Variants in LY75 observed in about 807,000 individuals in gnomAD.
LY75 encodes the protein C-type lectin domain family 13 member B.
Under a neutral mutation model 231.7 loss-of-function variants are expected in LY75, and 185 were observed. That is an observed-to-expected ratio of 0.80 (90% confidence interval 0.71 to 0.90). LY75 has a LOEUF of 0.90. LY75 is among the 40% of genes least tolerant of loss of function. LY75 has a pLI of 0.00. For synonymous variants in LY75, 668 were observed against 689.0 expected, an observed-to-expected ratio of 0.97 and a Z score of 0.48; for missense variants, 1,947 against 2,050.2, an observed-to-expected ratio of 0.95 and a Z score of 0.97.
Position 159,808,138 on chromosome 2 carries a change from G to C in LY75, c.4822+311C>G, listed in dbSNP as rs1392045969. ...AGAAGGCAGGCATGGGTTCCTTGTGGGGACACAGACATTCCTGTGGAGAAG... is the reference window on the plus strand; with the variant it reads ...AGAAGGCAGGCATGGGTTCCTTGTGCGGACACAGACATTCCTGTGGAGAAG... On this transcript the variant is annotated intron_variant, in intron 33 of 34. Transcript: ENST00000263636. The C allele has an allele frequency of 5.1e-6, 5 of 984,938 alleles. No homozygotes were observed. The African/African-American group carries it at 8.7e-5, about 17-fold the overall frequency. The allele number at this position is 984,938 out of a possible 1,614,324, so 61.0% of individuals were successfully genotyped here.
chr2:159,901,067 G>A (rs1686064158), intron 1 of LY75, among the ~76,000 whole-genome samples: 1 of 152,120 alleles, frequency 6.6e-6, no homozygotes, highest in Non-Finnish European at 1.5e-5. Flanking sequence ...TCGAACTCCT[G>A]ACCTCAGGTG....
At position 159,894,090 on chromosome 2, in the gene LY75, T is replaced by C; in HGVS notation, c.467-6A>G. ...CCCATCTCTGGTATAGATCTCTGGG[T>C]TGGAGAGGAAGTTGGGGAAAAGAGA... On this transcript the variant is annotated splice_region_variant and splice_polypyrimidine_tract_variant and intron_variant, in intron 2 of 34. Transcript: ENST00000263636. 1 of 1,586,320 alleles carries C rather than the reference T, an allele frequency of 6.3e-7. No individual in the cohort carries two copies. The highest frequency in any genetic ancestry group is 8.6e-7 in the Non-Finnish European group (1 of 1,167,786).
intron 2 of LY75, among the ~76,000 whole-genome samples, chr2:159,895,537 T>C (rs1685886717): frequency 6.6e-6 from 1 of 152,194 alleles, no homozygotes; most frequent in African/African-American, 2.4e-5. Context: ...ATTTCTGTCA[T>C]TTGTTCTTTA....
At chr2:159,862,621 T>C (rs902845080) in intron 14 of LY75, among the ~76,000 whole-genome samples, 13 of 152,204 alleles carry the variant, frequency 8.5e-5, no homozygotes, top group African/African-American at 3.1e-4. Flanking sequence ...TCTATTTTCA[T>C]TTCAATAAAG....
intron 4 of LY75, 100 bp downstream of exon 4, chr2:159,890,113 A>G (rs1285845488): frequency 6.1e-6 from 9 of 1,469,640 alleles, no homozygotes; most frequent in Non-Finnish European, 8.1e-6. Flanking sequence ...AGAGGTCAGA[A>G]AAGTTACATA....
In LY75 at chr2:159,816,969, T is replaced by C; in HGVS notation, c.4217A>G (p.Tyr1406Cys). Residue 1406 changes from tyrosine (Y) to cysteine (C), a missense_variant, in exon 30 of 35, where the codon TAC (tyrosine) becomes TGC (cysteine). Transcript: ENST00000263636. ...TGTTACCTTTTTTTGAATAACACTG[T>C]AAATACCATCTTCATATGGCATAAA... ...PQFMPYEDGIYSVIQKKVTWY... is the reference protein window; with the variant it reads ...PQFMPYEDGICSVIQKKVTWY... 1 of 1,614,182 alleles carries C rather than the reference T, an allele frequency of 6.2e-7. No homozygotes were observed. Among genetic ancestry groups the C allele is most frequent in the Non-Finnish European group, 8.5e-7 (1 of 1,180,016 alleles).
chr2:159,850,003 C>G lies in LY75; in HGVS notation c.3127G>C (p.Gly1043Arg). Reference protein sequence around the residue: ...YSNFHPLLVSGRLRIPENFFE... With the variant: ...YSNFHPLLVSRRLRIPENFFE... ...ACATTTTCTGGTATTCTCAGCCTCCCACTAACCAATAATGGGTGAAAGTTA... is the reference window on the plus strand; with the variant it reads ...ACATTTTCTGGTATTCTCAGCCTCCGACTAACCAATAATGGGTGAAAGTTA... The change falls in exon 23 of 35, where the codon GGG becomes CGG. Residue 1043 changes from glycine (G) to arginine (R), a missense_variant. Transcript: ENST00000263636. 6.2e-7 allele frequency: 1 copy of G among 1,613,150 alleles called. No homozygotes were observed. Among genetic ancestry groups the G allele is most frequent in the Non-Finnish European group, 8.5e-7 (1 of 1,179,706 alleles).
At chr2:159,832,919 G>C (rs1683706211) in intron 27 of LY75, among the ~76,000 whole-genome samples, 1 of 152,146 alleles carries the variant, frequency 6.6e-6, no homozygotes, top group Non-Finnish European at 1.5e-5. Context: ...TCATTTGGAA[G>C]TCACAAATCC....
chr2:159,878,799 A>G, intron 9 of LY75, 78 bp from the exon 10 acceptor site: 1 of 1,479,902 alleles, frequency 6.8e-7, no homozygotes, highest in South Asian at 1.2e-5. Context: ...TTTCTGCTAC[A>G]TTGATAACGT....
At chr2:159,848,087 T>TACACACACACACACACAC (rs779996304) in intron 23 of LY75, among the ~76,000 whole-genome samples, 2 of 103,404 alleles carry the variant, frequency 1.9e-5, no homozygotes, top group African/African-American at 6.0e-5. Context: ...TATATATATA[T>TACACACACACACACACAC]ATATATACAC....
intron 26 of LY75, among the ~76,000 whole-genome samples, chr2:159,834,717 A>G (rs1683768927): frequency 1.3e-5 from 2 of 152,264 alleles, no homozygotes; most frequent in African/African-American, 2.4e-5. Context: ...GTATCTGATT[A>G]TGATCTTTTT....
At chr2:159,893,695 C>T (rs1486474811) in intron 3 of LY75, among the ~76,000 whole-genome samples, 1 of 152,188 alleles carries the variant, frequency 6.6e-6, no homozygotes, top group Non-Finnish European at 1.5e-5. Flanking sequence ...CTCCCTCCTC[C>T]TCCTCCATGA....
At chr2:159,884,229 C>G (rs1304826593) in intron 6 of LY75, among the ~76,000 whole-genome samples, 2 of 152,162 alleles carry the variant, frequency 1.3e-5, no homozygotes, top group African/African-American at 4.8e-5. Flanking sequence ...TTGTAAGGTC[C>G]ATTAAACCTC....
intron 29 of LY75, among the ~76,000 whole-genome samples, chr2:159,817,298 G>T (rs1683149637): frequency 6.6e-6 from 1 of 152,202 alleles, no homozygotes; most frequent in Non-Finnish European, 1.5e-5. Context: ...AACAATGGCT[G>T]AAATGATGGC....
At chr2:159,815,252 C>G (rs1443351012) in intron 31 of LY75, among the ~76,000 whole-genome samples, 153 bp downstream of exon 31, 1 of 152,198 alleles carries the variant, frequency 6.6e-6, no homozygotes, top group Non-Finnish European at 1.5e-5. Flanking sequence ...CCGCACGCCT[C>G]GGCCTCCCAA....
chr2:159,899,040 G>A lies in LY75; in HGVS notation c.114C>T (p.Ile38=), dbSNP rs571249685. ...SGRAANDPFT[I]VHGNTGKCIK... is the part of the protein sequence containing the mutation. ...TGCACTTGCCCGTATTTCCATGGACGATGGTGAAGGGGTCATTAGCTGAGT... is the reference window on the plus strand; with the variant it reads ...TGCACTTGCCCGTATTTCCATGGACAATGGTGAAGGGGTCATTAGCTGAGT... The change falls in exon 2 of 35, where the codon ATC becomes ATT. Residue 38 remains isoleucine (I), a synonymous_variant. Transcript: ENST00000263636. 3.7e-5 allele frequency: 60 copies of A among 1,613,140 alleles called. No individual in the cohort carries two copies. The highest frequency in any genetic ancestry group is 6.7e-5 in the African/African-American group (5 of 75,034).
Position 159,886,469 on chromosome 2 carries a change from G to C in LY75, c.864C>G (p.Gly288=). 1 of 1,611,890 alleles carries C rather than the reference G, an allele frequency of 6.2e-7. No individual in the cohort carries two copies. The highest frequency in any genetic ancestry group is 1.7e-4 in the Middle Eastern group (1 of 6,042). ...IGLNQLYSAR[G]WEWSDHKPLN... ...ATGGTTTGTGGTCTGACCATTCCCAGCCTCTAGCAGAGTATAGCTGATTTA... is the reference window on the plus strand; with the variant it reads ...ATGGTTTGTGGTCTGACCATTCCCACCCTCTAGCAGAGTATAGCTGATTTA... Residue 288 remains glycine, a synonymous_variant, in exon 5 of 35, where the codon GGC becomes GGG. Transcript: ENST00000263636.
intron 13 of LY75, among the ~76,000 whole-genome samples, chr2:159,870,535 CA>C (rs1240761092): frequency 6.6e-6 from 1 of 152,158 alleles, no homozygotes; most frequent in East Asian, 1.9e-4. Flanking sequence ...GACAGCATCT[CA>C]CTCTGTTGCC....
chr2:159,876,489 A>T (rs955531305), intron 11 of LY75, among the ~76,000 whole-genome samples: 2 of 152,130 alleles, frequency 1.3e-5, no homozygotes, highest in Non-Finnish European at 2.9e-5. Context: ...TTGCCTTGCT[A>T]CCCTGAATGG....
Sources: gnomAD v4.1 joint callset for allele counts (sites outside exome capture counted in the v4.1 genomes callset) on GRCh38, gnomAD v4.1.1 for gene constraint, MANE v1.5 for transcripts, NCBI Gene and HGNC (gene_info 2026-07-23, HGNC 2026-07-21) for gene names.